SCGB2B2: variants seen among roughly 807,000 people sequenced by gnomAD.
SCGB2B2 encodes secretoglobin family 2B member 2.
SCGB2B2 carries 11 observed loss-of-function variants against 7.6 expected under a neutral mutation model. The observed-to-expected ratio is 1.45, with a 90% CI of 0.91 to 2.40. The LOEUF is 2.40. Ranked by LOEUF, SCGB2B2 falls within the 30% of genes most tolerant of loss-of-function variation. The probability of loss-of-function intolerance (pLI) is 0.00; values close to 1 mark genes in which losing one functional copy is unlikely to be tolerated. For missense variants in SCGB2B2, 104 were observed against 115.4 expected, an observed-to-expected ratio of 0.90 and a Z score of 0.45; for synonymous variants, 50 against 48.6, an observed-to-expected ratio of 1.03 and a Z score of -0.12.
intron 1 of SCGB2B2, among the ~76,000 whole-genome samples, chr19:34,654,696 A>C (rs140450369): frequency 6.6e-6 from 1 of 150,568 alleles, no homozygotes; most frequent in Non-Finnish European, 1.5e-5. Context: ...ACCCAGAAGG[A>C]ACTGCATGCA....
At chr19:34,598,335 G>A (rs1461931180) in intron 1 of SCGB2B2, among the ~76,000 whole-genome samples, 3 of 152,230 alleles carry the variant, frequency 2.0e-5, no homozygotes, top group Admixed American at 2.0e-4. Context: ...AAACCGACCT[G>A]AGCCGTGTCC....
chr19:34,594,649 C>A lies in SCGB2B2; in HGVS notation c.-86G>T. On this transcript the variant is annotated 5_prime_UTR_variant, in exon 2 of 4. The change creates a premature stop within an existing upstream ORF in the 5' untranslated region. Coordinates refer to ENST00000601241, the MANE Select transcript of SCGB2B2 (RefSeq NM_001025591.4). ...GTATATCTGAACAAGGCACATGCCT[C>A]TTCGTGTGTGTGTGTGTGTGTGTGT... The A allele has an allele frequency of 1.1e-6, 1 of 882,776 alleles. No homozygotes were observed. The highest frequency in any genetic ancestry group is 1.8e-6 in the Non-Finnish European group (1 of 543,228). The allele number at this position is 882,776 out of a possible 1,614,324, so 54.7% of individuals were successfully genotyped here.
chr19:34,592,135 G>C lies in SCGB2B2; in HGVS notation c.*1420C>G, dbSNP rs188882242. On this transcript the variant is annotated 3_prime_UTR_variant, in exon 4 of 4. Transcript: ENST00000601241. ...ATGGGGGACTGAAACGTGTGACCTG[G>C]AGGAGATGACGGCTGAGGGATGACA... is the stretch of plus-strand genomic sequence containing the variant. 2.9e-4 allele frequency among the ~76,000 whole-genome samples: 44 copies of C among 152,298 alleles called. No individual in the cohort carries two copies. The highest frequency in any genetic ancestry group is 9.6e-4 in the African/African-American group (40 of 41,562).
intron 1 of SCGB2B2, among the ~76,000 whole-genome samples, chr19:34,606,042 C>T (rs866817630): frequency 6.6e-6 from 1 of 151,420 alleles, no homozygotes. Context: ...TACGTAGTTA[C>T]TAAAATTTTT....
intron 1 of SCGB2B2, among the ~76,000 whole-genome samples, chr19:34,614,068 T>C (rs2066004764): frequency 6.6e-6 from 1 of 152,254 alleles, no homozygotes; most frequent in African/African-American, 2.4e-5. Context: ...CTTTGACTTT[T>C]GATAATTTGA....
chr19:34,591,093 T>A lies in SCGB2B2; in HGVS notation c.*2462A>T, dbSNP rs1452943173. 6.6e-6 allele frequency among the ~76,000 whole-genome samples: 1 copy of A among 152,190 alleles called. No individual in the cohort carries two copies. Among genetic ancestry groups the A allele is most frequent in the Admixed American group, 6.5e-5 (1 of 15,290 alleles). On this transcript the variant is annotated 3_prime_UTR_variant, in exon 4 of 4. Coordinates refer to ENST00000601241, the MANE Select transcript of SCGB2B2 (RefSeq NM_001025591.4). ...AAATGCTGAAATTTACATGTTTTTG[T>A]CTCCAGGCCCAACTATTCCATGAGC...
chr19:34,593,861 AGT>A (rs1314086961), intron 3 of SCGB2B2, among the ~76,000 whole-genome samples: 1 of 151,670 alleles, frequency 6.6e-6, no homozygotes, highest in Admixed American at 6.6e-5. Flanking sequence ...GTCCTGTGTG[AGT>A]GTGTGTTGCT....
Position 34,592,569 on chromosome 19 carries a change from C to T in SCGB2B2, c.*986G>A, listed in dbSNP as rs1049444355. On this transcript the variant is annotated 3_prime_UTR_variant, in exon 4 of 4. Coordinates refer to ENST00000601241, the MANE Select transcript of SCGB2B2 (RefSeq NM_001025591.4). ...CCGCCTGGGAGGTCCAAGGAGCCTGCGGAAAGGGCTTGAGGTTTGGGGAGG... is the reference window on the plus strand; with the variant it reads ...CCGCCTGGGAGGTCCAAGGAGCCTGTGGAAAGGGCTTGAGGTTTGGGGAGG... 5.9e-5 allele frequency among the ~76,000 whole-genome samples: 9 copies of T among 152,094 alleles called. No individual in the cohort carries two copies. The highest frequency in any genetic ancestry group is 1.9e-4 in the African/African-American group (8 of 41,476).
At chr19:34,638,651 G>A (rs938409913) in intron 1 of SCGB2B2, among the ~76,000 whole-genome samples, 1 of 152,096 alleles carries the variant, frequency 6.6e-6, no homozygotes, top group Non-Finnish European at 1.5e-5. Context: ...AATAGTCACT[G>A]GAAAGTTTAT....
intron 3 of SCGB2B2, among the ~76,000 whole-genome samples, chr19:34,593,824 T>G (rs1370819845): frequency 1.3e-5 from 2 of 151,882 alleles, no homozygotes; most frequent in African/African-American, 4.8e-5. Flanking sequence ...TGGGCAGGCA[T>G]GGGGTGTGTG....
chr19:34,606,816 TA>T (rs11292811), intron 1 of SCGB2B2, among the ~76,000 whole-genome samples: 51,189 of 146,706 alleles, frequency 0.35, 9,528 homozygotes, highest in Middle Eastern at 0.49. Flanking sequence ...GGATGCATTG[TA>T]AAAAAAAAAA....
chr19:34,633,477 G>C (rs925882539), intron 1 of SCGB2B2, among the ~76,000 whole-genome samples: 1 of 152,124 alleles, frequency 6.6e-6, no homozygotes, highest in African/African-American at 2.4e-5. Flanking sequence ...CAACATGGAG[G>C]AATCTCAAAA....
chr19:34,612,064 A>G, intron 1 of SCGB2B2, among the ~76,000 whole-genome samples: 1 of 76,620 alleles, frequency 1.3e-5, no homozygotes, highest in Non-Finnish European at 2.3e-5. Context: ...TTTTTAGGAT[A>G]GTCTCACTCT....
intron 1 of SCGB2B2, among the ~76,000 whole-genome samples, chr19:34,599,448 A>G (rs1199948436): frequency 2.6e-5 from 4 of 152,254 alleles, no homozygotes; most frequent in Non-Finnish European, 4.4e-5. Flanking sequence ...AGGCCTCACA[A>G]TCACGGTGGA....
At position 34,676,243 on chromosome 19, in the gene SCGB2B2, G is replaced by T. The variant is rs1164025672; in HGVS notation, c.-2645C>A. ...GTATTTACAATCCTTCAGCTATACA[G>T]AAAAGTTCTCCAAGGCCCCACCTGA... On this transcript the variant is annotated 5_prime_UTR_variant, in exon 1 of 4. In the 5' UTR this introduces an upstream ATG that the reference lacks. Transcript: ENST00000601241. 6.6e-6 allele frequency: 1 copy of T among 152,174 alleles called. No homozygotes were observed. The highest frequency in any genetic ancestry group is 1.5e-5 in the Non-Finnish European group (1 of 68,052). The allele number at this position is 152,174 out of a possible 1,614,324, so 9.4% of individuals were successfully genotyped here.
In SCGB2B2 at chr19:34,673,363, C is replaced by A. The variant is rs952259315; in HGVS notation, c.-2032+2267G>T. ...CAGTCTCTATTCCAGTGCCTCTAAC[C>A]TTTCTGCTAACAATGCAAGTCAGGG... is the stretch of plus-strand genomic sequence containing the variant. On this transcript the variant is annotated intron_variant, in intron 1 of 3. Coordinates refer to ENST00000601241, the MANE Select transcript of SCGB2B2 (RefSeq NM_001025591.4). 2.6e-5 allele frequency among the ~76,000 whole-genome samples: 4 copies of A among 152,188 alleles called. No homozygotes were observed. The South Asian group carries it at 8.3e-4, about 32-fold the overall frequency.
At chr19:34,629,839 C>T (rs866241183) in intron 1 of SCGB2B2, among the ~76,000 whole-genome samples, 2 of 151,974 alleles carry the variant, frequency 1.3e-5, no homozygotes, top group African/African-American at 4.8e-5. Context: ...AAGCTGGAGG[C>T]ATCACGCTAC....
At position 34,590,861 on chromosome 19, in the gene SCGB2B2, C is replaced by T. The variant is rs974923152; in HGVS notation, c.*2694G>A. 3.3e-5 allele frequency among the ~76,000 whole-genome samples: 5 copies of T among 152,204 alleles called. No homozygotes were observed. Among genetic ancestry groups the T allele is most frequent in the Non-Finnish European group, 7.3e-5 (5 of 68,028 alleles). On this transcript the variant is annotated 3_prime_UTR_variant, in exon 4 of 4. Transcript: ENST00000601241. ...TTTTCTAACATTTTCCTTATTCTTT[C>T]AAACACATGTGAAATGCTTTTGCAT...
At position 34,593,529 on chromosome 19, in the gene SCGB2B2, A is replaced by T. The variant is rs943706260; in HGVS notation, c.*26T>A. The T allele has an allele frequency of 3.2e-6, 5 of 1,538,524 alleles. No homozygotes were observed. In the African/African-American group the frequency reaches 6.9e-5, roughly 21 times the overall value. On this transcript the variant is annotated 3_prime_UTR_variant, in exon 4 of 4. Coordinates refer to ENST00000601241, the MANE Select transcript of SCGB2B2 (RefSeq NM_001025591.4). The stretch of plus-strand genomic sequence containing the variant: ...AGCCCCAAGGAAGGCAGGAGGGCCA[A>T]TATCTGATCTGCAGGGGTCCTCAGA...
Sources: gnomAD v4.1 joint callset for allele counts (sites outside exome capture counted in the v4.1 genomes callset) on GRCh38, gnomAD v4.1.1 for gene constraint, MANE v1.5 for transcripts, NCBI Gene and HGNC (gene_info 2026-07-23, HGNC 2026-07-21) for gene names.